Variants in USP47 observed in about 807,000 individuals in gnomAD.
The protein encoded by USP47 is ubiquitin specific peptidase 47.
Under a neutral mutation model 165.1 loss-of-function variants are expected in USP47, and 35 were observed. That is an observed-to-expected ratio of 0.21 (90% CI 0.16 to 0.28). The LOEUF (loss-of-function observed/expected upper bound fraction) is 0.28. Among genes scored for constraint, USP47 ranks in the 10% least tolerant of loss-of-function variants. The pLI is 1.00. For synonymous variants in USP47, 531 were observed against 544.5 expected (o/e 0.98, Z 0.35); for missense variants, 1,277 against 1,607.4 (o/e 0.79, Z 3.52).
chr11:11,902,273 A>G (rs1329441293), intron 5 of USP47, among the ~76,000 whole-genome samples: 3 of 152,164 alleles, frequency 2.0e-5, no homozygotes, highest in Non-Finnish European at 4.4e-5. Context: ...CATCCTTGCA[A>G]TTTATTCCCT....
At chr11:11,888,509 T>C (rs1443272526) in intron 3 of USP47, among the ~76,000 whole-genome samples, 1 of 152,054 alleles carries the variant, frequency 6.6e-6, no homozygotes, top group African/African-American at 2.4e-5. Flanking sequence ...TAGGAAGAAA[T>C]TGAGTCTCTA....
Position 11,942,699 on chromosome 11 carries a change from A to G in USP47, c.2678A>G (p.Asn893Ser), listed in dbSNP as rs774824967. Residue 893 changes from asparagine to serine, a missense_variant, in exon 20 of 28, where the codon AAT becomes AGT. By Grantham distance (46) the Asn-to-Ser change is conservative (BLOSUM62 1). Coordinates refer to ENST00000527733, the MANE Select transcript of USP47 (RefSeq NM_001282659.2). ...SDFENIESPL[N>S]ERDSSASVDN... is the part of the protein sequence containing the mutation. ...TTTGAAAACATCGAATCACCTCTCA[A>G]TGAGAGGGACTCTTCAGCATCAGTG... 10 of 1,613,526 alleles carry G rather than the reference A, an allele frequency of 6.2e-6. No homozygotes were observed. The African/African-American group carries it at 6.7e-5, about 11-fold the overall frequency.
At chr11:11,903,153 G>T in intron 6 of USP47, 110 bp from the exon 7 acceptor site, 1 of 1,044,596 alleles carries the variant, frequency 9.6e-7, no homozygotes, top group Non-Finnish European at 1.4e-6. Context: ...TTTAAATTTG[G>T]CATTATTTAA....
chr11:11,900,286 A>G (rs930246860), intron 5 of USP47, among the ~76,000 whole-genome samples: 1 of 147,268 alleles, frequency 6.8e-6, no homozygotes, highest in Non-Finnish European at 1.5e-5. Context: ...TCAGCCTCCC[A>G]AGTAGCTGGG....
At chr11:11,904,219 A>G (rs945925594) in intron 7 of USP47, among the ~76,000 whole-genome samples, 8 of 152,184 alleles carry the variant, frequency 5.3e-5, no homozygotes, top group Non-Finnish European at 7.4e-5. Flanking sequence ...TATTTGAAAA[A>G]CACTGGTTTG....
chr11:11,869,783 C>G (rs1331736973), intron 1 of USP47, among the ~76,000 whole-genome samples: 1 of 152,176 alleles, frequency 6.6e-6, no homozygotes, highest in Non-Finnish European at 1.5e-5. Context: ...CATGAGCGCT[C>G]TGCCCTCATG....
intron 18 of USP47, among the ~76,000 whole-genome samples, chr11:11,939,833 G>A (rs1855342752): frequency 6.6e-6 from 1 of 151,960 alleles, no homozygotes; most frequent in Non-Finnish European, 1.5e-5. Flanking sequence ...ATTTATAACT[G>A]ATGACCTTAG....
rs1387629388 is a variant in USP47, at chr11:11,854,620, A to AT, written c.39+12399dup. On this transcript the variant is annotated intron_variant, in intron 1 of 27. Coordinates refer to ENST00000527733, the MANE Select transcript of USP47 (RefSeq NM_001282659.2). Reference sequence around the variant, plus strand: ...TGTACATTGTTGTTATTCAACAAATATTTGTGGATTAAATGAAAATGAAAT... The same window carrying AT: ...TGTACATTGTTGTTATTCAACAAATATTTTGTGGATTAAATGAAAATGAAAT... Among the ~76,000 whole-genome samples the AT allele has an allele frequency of 2.7e-5, 4 of 147,760 alleles. 1 individual carries two copies. The East Asian group carries it at 8.1e-4, about 30-fold the overall frequency.
rs994079698 is a variant in USP47, at chr11:11,880,305, T to C, written c.168T>C (p.Asp56=). 35 of 1,410,492 alleles carry C rather than the reference T, an allele frequency of 2.5e-5. No homozygotes were observed. Among genetic ancestry groups the C allele is most frequent in the Non-Finnish European group, 2.6e-5 (28 of 1,091,016 alleles). 87.4% of individuals were successfully genotyped at this position (1,410,492 alleles called of 1,614,324 possible). ...ASTPVRKLFE[D]VANKVGYING... ...CTCCAGTCAGAAAGCTCTTTGAAGATGTGGCCAACAAAGTAGGCTACATAA... is the reference window on the plus strand; with the variant it reads ...CTCCAGTCAGAAAGCTCTTTGAAGACGTGGCCAACAAAGTAGGCTACATAA... Residue 56 remains aspartate, a synonymous_variant, in exon 2 of 28, where the codon GAT becomes GAC. Transcript: ENST00000527733.
chr11:11,948,705 C>G lies in USP47; in HGVS notation c.3348+147C>G, dbSNP rs978891868. 92 of 629,410 alleles carry G rather than the reference C, an allele frequency of 1.5e-4. No homozygotes were observed. The African/African-American group carries it at 1.6e-3, about 11-fold the overall frequency. The allele number at this position is 629,410 out of a possible 1,614,324, so 39.0% of individuals were successfully genotyped here. On this transcript the variant is annotated intron_variant, in intron 22 of 27. Coordinates refer to ENST00000527733, the MANE Select transcript of USP47 (RefSeq NM_001282659.2). ...CTTGCAGTTTAGCAGGCCATACTGC[C>G]TCTGTTGCAGTTACTCACTTCTGCT...
chr11:11,892,373 TAA>T (rs369448295), intron 4 of USP47, among the ~76,000 whole-genome samples: 6 of 121,066 alleles, frequency 5.0e-5, no homozygotes, highest in South Asian at 2.8e-4. Flanking sequence ...CTTTTCTTTT[TAA>T]TTTTCTTTTT....
At chr11:11,860,893 G>A (rs978782445) in intron 1 of USP47, among the ~76,000 whole-genome samples, 1 of 152,162 alleles carries the variant, frequency 6.6e-6, no homozygotes, top group Non-Finnish European at 1.5e-5. Context: ...ATAAAAGTGA[G>A]AGGAAAAGTA....
In USP47 at chr11:11,936,987, T is replaced by G. The variant is rs190880131; in HGVS notation, c.2077+477T>G. Among the ~76,000 whole-genome samples the G allele has an allele frequency of 2.0e-5, 3 of 152,060 alleles. No homozygotes were observed. In the East Asian group the frequency reaches 5.8e-4, roughly 29 times the overall value. On this transcript the variant is annotated intron_variant, in intron 17 of 27. Coordinates refer to ENST00000527733, the MANE Select transcript of USP47 (RefSeq NM_001282659.2). ...CCCATCACTGTCAGCATTTACAATT[T>G]TTCGTCATCCTCTCTATTTCTACAG...
intron 1 of USP47, among the ~76,000 whole-genome samples, chr11:11,877,842 T>C (rs930350319): frequency 1.1e-5 from 1 of 92,882 alleles, no homozygotes; most frequent in Non-Finnish European, 2.1e-5. Context: ...TGTGTGTGTG[T>C]GTGTGTGTGT....
intron 1 of USP47, among the ~76,000 whole-genome samples, chr11:11,845,938 T>A (rs1245604314): frequency 6.6e-6 from 1 of 152,224 alleles, no homozygotes; most frequent in East Asian, 1.9e-4. Flanking sequence ...GTTTTTCTCA[T>A]CATTGAAGAT....
At chr11:11,914,037 T>A (rs1853223792) in intron 8 of USP47, among the ~76,000 whole-genome samples, 1 of 152,122 alleles carries the variant, frequency 6.6e-6, no homozygotes, top group Admixed American at 6.6e-5. Context: ...ACAAGCTTAT[T>A]CCAAAATGTA....
chr11:11,865,542 C>T (rs1298359974), intron 1 of USP47, among the ~76,000 whole-genome samples: 1 of 151,978 alleles, frequency 6.6e-6, no homozygotes, highest in Non-Finnish European at 1.5e-5. Context: ...ATTGCTGGAT[C>T]TTATGGTAAT....
chr11:11,847,559 T>C (rs958864564), intron 1 of USP47, among the ~76,000 whole-genome samples: 1 of 152,194 alleles, frequency 6.6e-6, no homozygotes, highest in Non-Finnish European at 1.5e-5. Context: ...TTTCAGTTAG[T>C]GTTATCGCCA....
intron 22 of USP47, 42 bp downstream of exon 22, chr11:11,948,600 A>C: frequency 1.3e-6 from 2 of 1,494,164 alleles, no homozygotes; most frequent in Non-Finnish European, 1.8e-6. Context: ...TACTTTTTAC[A>C]GTTACTGAAA....
Sources: gnomAD v4.1 joint callset for allele counts (sites outside exome capture counted in the v4.1 genomes callset) on GRCh38, gnomAD v4.1.1 for gene constraint, MANE v1.5 for transcripts, NCBI Gene and HGNC (gene_info 2026-07-23, HGNC 2026-07-21) for gene names.